HABP2: variants seen among roughly 807,000 people sequenced by gnomAD.
HABP2 encodes factor VII-activating protease.
Under a neutral mutation model 66.5 loss-of-function variants are expected in HABP2, and 65 were observed. That is an observed-to-expected ratio of 0.98 (90% CI 0.80 to 1.20). HABP2 has a LOEUF of 1.20. HABP2 is among the 50% of genes most tolerant of loss of function. The pLI is 0.00. For synonymous variants in HABP2, 263 were observed against 253.9 expected (o/e 1.04, Z -0.34); for missense variants, 786 against 691.0 (o/e 1.14, Z -1.54).
intron 2 of HABP2, among the ~76,000 whole-genome samples, chr10:113,571,772 C>T (rs1488725003): frequency 6.6e-6 from 1 of 152,200 alleles, no homozygotes; most frequent in Non-Finnish European, 1.5e-5. Context: ...TCATCCCCCA[C>T]CCAACCTTGG....
chr10:113,564,479 C>T (rs1285052247), intron 1 of HABP2, among the ~76,000 whole-genome samples: 1 of 152,150 alleles, frequency 6.6e-6, no homozygotes, highest in Non-Finnish European at 1.5e-5. Flanking sequence ...CCACTGCCAA[C>T]CCCCACCCTC....
chr10:113,587,985 C>T (rs147823472), intron 12 of HABP2, among the ~76,000 whole-genome samples: 4 of 152,048 alleles, frequency 2.6e-5, no homozygotes, highest in East Asian at 1.9e-4. Flanking sequence ...CTGTTAAGCC[C>T]GCGTGGACTC....
In HABP2 at chr10:113,584,604, G is replaced by A. The variant is rs527936424; in HGVS notation, c.1372+322G>A. On this transcript the variant is annotated intron_variant, in intron 11 of 12. Coordinates refer to ENST00000351270, the MANE Select transcript of HABP2 (RefSeq NM_004132.5). ...AAGAGGAAAGATCATGGATTTTTGA[G>A]TCAGACAGACTGGTATTCAATTCTT... Among the ~76,000 whole-genome samples the A allele has an allele frequency of 4.6e-5, 7 of 152,314 alleles. No individual in the cohort carries two copies. In the South Asian group the frequency reaches 1.4e-3, roughly 32 times the overall value.
intron 11 of HABP2, among the ~76,000 whole-genome samples, 169 bp downstream of exon 11, chr10:113,584,451 G>C (rs1017030149): frequency 5.3e-5 from 8 of 152,174 alleles, no homozygotes; most frequent in African/African-American, 1.9e-4. Flanking sequence ...TCCTCCACCT[G>C]CAGGGAGCCT....
chr10:113,561,011 C>T lies in HABP2; in HGVS notation c.70-6478C>T, dbSNP rs1031052820. ...AAGGTACACTTACAAATGGTCAAAA[C>T]GATAAATGTGATGTTCTGTATATGT... On this transcript the variant is annotated intron_variant, in intron 1 of 12. Coordinates refer to ENST00000351270, the MANE Select transcript of HABP2 (RefSeq NM_004132.5). 9.9e-5 allele frequency among the ~76,000 whole-genome samples: 15 copies of T among 152,212 alleles called. 1 individual carries two copies. The East Asian group carries it at 1.7e-3, about 18-fold the overall frequency.
intron 2 of HABP2, chr10:113,569,572 A>AT (rs1845265612): frequency 6.6e-6 from 1 of 152,352 alleles, no homozygotes; most frequent in African/African-American, 2.4e-5. Flanking sequence ...GAAGGTGCGC[A>AT]TTCCACAGTC....
rs200565889 is a variant in HABP2 at position 113,580,692 on chromosome 10, G to C, written c.838G>C (p.Asp280His). 19 of 1,518,732 alleles carry C rather than the reference G, an allele frequency of 1.3e-5. No homozygotes were observed. The highest frequency in any genetic ancestry group is 1.6e-5 in the Non-Finnish European group (18 of 1,093,286). 94.1% of individuals were successfully genotyped at this position (1,518,732 alleles called of 1,614,324 possible). A position where few individuals can be genotyped will look rare whatever the true frequency, so the allele number is the denominator to read the frequency against. Residue 280 changes from aspartate (D) to histidine (H), a missense_variant and splice_region_variant, in exon 8 of 13, where the codon GAC becomes CAC. By Grantham distance (81) the Asp-to-His change is moderately conservative. Coordinates refer to ENST00000351270, the MANE Select transcript of HABP2 (RefSeq NM_004132.5). ...TGATGTCTCAGCCTGCTCAGCCCAG[G>C]GTAAAGGCCATGGCTGTTCAGAAGC... is the stretch of plus-strand genomic sequence containing the variant. ...YCDVSACSAQDVAYPEESPTE... is the reference protein window; with the variant it reads ...YCDVSACSAQHVAYPEESPTE...
At chr10:113,568,090 C>T (rs879912177) in intron 2 of HABP2, among the ~76,000 whole-genome samples, 6 of 152,232 alleles carry the variant, frequency 3.9e-5, no homozygotes, top group Admixed American at 3.9e-4. Context: ...CTCACAGACT[C>T]GCTCTCTTAT....
chr10:113,578,537 C>A, intron 6 of HABP2, 90 bp from the exon 7 acceptor site: 2 of 833,290 alleles, frequency 2.4e-6, no homozygotes, highest in Non-Finnish European at 3.9e-6. Context: ...AGGTCCAGTT[C>A]TCTCACCATG....
At chr10:113,570,217 A>G (rs967533332) in intron 2 of HABP2, 3 of 152,230 alleles carry the variant, frequency 2.0e-5, no homozygotes, top group South Asian at 4.1e-4. Context: ...GCAAAATAGG[A>G]ATAATAATAC....
intron 1 of HABP2, among the ~76,000 whole-genome samples, chr10:113,559,102 G>A (rs1029333077): frequency 2.0e-5 from 3 of 152,248 alleles, no homozygotes; most frequent in South Asian, 2.1e-4. Flanking sequence ...TGATCCACCC[G>A]CCCTGGCCTC....
Position 113,589,163 on chromosome 10 carries a change from A to C in HABP2, c.*794A>C. The C allele has an allele frequency of 9.2e-7, 1 of 1,089,542 alleles. No individual in the cohort carries two copies. The highest frequency in any genetic ancestry group is 1.4e-6 in the Non-Finnish European group (1 of 730,724). The allele number at this position is 1,089,542 out of a possible 1,614,324, so 67.5% of individuals were successfully genotyped here. Reference sequence around the variant, plus strand: ...CCCGGTTCCCACAGGACACGCTAAGAAGCACAGGGAGCATTTAACAGGCTC... The same window carrying C: ...CCCGGTTCCCACAGGACACGCTAAGCAGCACAGGGAGCATTTAACAGGCTC... On this transcript the variant is annotated 3_prime_UTR_variant, in exon 13 of 13. Transcript: ENST00000351270.
rs572568327 is a variant in HABP2 at position 113,588,844 on chromosome 10, T to C, written c.*475T>C. On this transcript the variant is annotated 3_prime_UTR_variant, in exon 13 of 13. Coordinates refer to ENST00000351270, the MANE Select transcript of HABP2 (RefSeq NM_004132.5). ...CATTCTCCATCTGCTTTCAGAGTTA[T>C]TATTTTAATAAAGGAAGATCTGGGA... 19 of 706,464 alleles carry C rather than the reference T, an allele frequency of 2.7e-5. No homozygotes were observed. The Admixed American group carries it at 3.9e-4, about 15-fold the overall frequency. 43.8% of individuals were successfully genotyped at this position (706,464 alleles called of 1,614,324 possible). A position where few individuals can be genotyped will look rare whatever the true frequency, so the allele number is the denominator to read the frequency against.
intron 10 of HABP2, 30 bp downstream of exon 10, chr10:113,583,388 G>A (rs1845576869): frequency 6.2e-7 from 1 of 1,603,454 alleles, no homozygotes; most frequent in African/African-American, 1.3e-5. Flanking sequence ...CTTTCCTGAG[G>A]GTCTTGTCCT....
intron 2 of HABP2, 106 bp from the exon 3 acceptor site, chr10:113,574,183 T>TGCAGGAGGAATCATGTGTCTCTCCA: frequency 1.5e-6 from 1 of 682,672 alleles, no homozygotes; most frequent in Non-Finnish European, 2.7e-6. Context: ...TGATTCCTCC[T>TGCAGGAGGAATCATGTGTCTCTCCA]GCAGGACTTT....
intron 7 of HABP2, among the ~76,000 whole-genome samples, chr10:113,580,169 G>A (rs938372489): frequency 6.9e-6 from 1 of 144,242 alleles, no homozygotes. Flanking sequence ...TTCGGGGGCG[G>A]GGGGAGGGGG....
At chr10:113,588,149 G>T in intron 12 of HABP2, 56 bp from the exon 13 acceptor site, 1 of 1,414,576 alleles carries the variant, frequency 7.1e-7, no homozygotes, top group Non-Finnish European at 9.6e-7. Context: ...AGAGGTGGGG[G>T]CATCTCCAGA....
rs1845465148 is a variant in HABP2, at chr10:113,578,776, A to G, written c.718A>G (p.Ile240Val). Residue 240 changes from isoleucine to valine, a missense_variant, in exon 7 of 13, where the codon ATT becomes GTT. Ile to Val is a conservative substitution (Grantham distance 29, BLOSUM62 3). Transcript: ENST00000351270. ...TATGGAGGATGCTGAAACCCATGGG[A>G]TTGGGGAACACAATTTCTGCAGGTA... ...MFMEDAETHGIGEHNFCRNPD... is the reference protein window; with the variant it reads ...MFMEDAETHGVGEHNFCRNPD... The G allele has an allele frequency of 1.2e-6, 2 of 1,611,248 alleles. No individual in the cohort carries two copies. The highest frequency in any genetic ancestry group is 2.2e-5 in the East Asian group (1 of 44,860).
intron 1 of HABP2, among the ~76,000 whole-genome samples, chr10:113,556,417 A>G (rs1458817324): frequency 6.6e-6 from 1 of 152,152 alleles, no homozygotes; most frequent in Non-Finnish European, 1.5e-5. Context: ...CGCTGCTGTT[A>G]TTAGATGAAG....
Sources: gnomAD v4.1 joint callset for allele counts (sites outside exome capture counted in the v4.1 genomes callset) on GRCh38, gnomAD v4.1.1 for gene constraint, MANE v1.5 for transcripts, NCBI Gene and HGNC (gene_info 2026-07-23, HGNC 2026-07-21) for gene names.